The following LIPF variants were observed in gnomAD, a reference collection of about 807,000 sequenced individuals.
LIPF encodes the protein gastric triacylglycerol lipase.
A neutral mutation model predicts 38.0 loss-of-function variants in LIPF; 25 were observed. The ratio of observed to expected loss-of-function variants is 0.66; its 90% CI spans 0.48 to 0.92. The LOEUF (loss-of-function observed/expected upper bound fraction) is 0.92, where lower values mean the gene tolerates loss of function less well. Among genes scored for constraint, LIPF ranks in the 40% least tolerant of loss-of-function variants. LIPF has a pLI of 0.00. For missense variants in LIPF, 410 were observed against 469.9 expected, an observed-to-expected ratio of 0.87 and a Z score of 1.18; for synonymous variants, 161 against 156.2, an observed-to-expected ratio of 1.03 and a Z score of -0.23.
chr10:88,670,775 G>T (rs1280065260), intron 5 of LIPF, among the ~76,000 whole-genome samples: 1 of 152,118 alleles, frequency 6.6e-6, no homozygotes, highest in Non-Finnish European at 1.5e-5. Context: ...GATAAAAAAA[G>T]AAAACTGCAG....
At chr10:88,674,877 G>A (rs1841661854) in intron 7 of LIPF, among the ~76,000 whole-genome samples, 1 of 152,178 alleles carries the variant, frequency 6.6e-6, no homozygotes, top group Admixed American at 6.5e-5. Context: ...CATTCCATAT[G>A]TGGAGTTTAA....
intron 9 of LIPF, among the ~76,000 whole-genome samples, chr10:88,677,051 C>G (rs992013909): frequency 1.3e-5 from 2 of 152,260 alleles, no homozygotes; most frequent in South Asian, 4.2e-4. Flanking sequence ...TCACCACATC[C>G]AATTTTTCCA....
chr10:88,668,417 T>G (rs1564957387), intron 3 of LIPF, 141 bp from the exon 4 acceptor site: 1 of 740,180 alleles, frequency 1.4e-6, no homozygotes, highest in Non-Finnish European at 2.2e-6. Context: ...ATCACCACAA[T>G]TACGATAAGA....
intron 4 of LIPF, chr10:88,669,019 A>C: frequency 2.7e-6 from 1 of 375,130 alleles, no homozygotes; most frequent in East Asian, 4.3e-5. Flanking sequence ...GGCTGAAGCA[A>C]GGAAACTCAC....
At chr10:88,665,075 G>T (rs1256548596) in intron 1 of LIPF, among the ~76,000 whole-genome samples, 1 of 152,200 alleles carries the variant, frequency 6.6e-6, no homozygotes, top group Non-Finnish European at 1.5e-5. Context: ...GAGTATTACA[G>T]TGGGGAAGAA....
intron 5 of LIPF, 133 bp downstream of exon 5, chr10:88,670,079 G>T (rs1841572208): frequency 1.5e-6 from 1 of 652,394 alleles, no homozygotes; most frequent in East Asian, 2.6e-5. Context: ...ATGACATAGG[G>T]ACAATTATAA....
chr10:88,672,618 T>C (rs1354093872), intron 6 of LIPF, among the ~76,000 whole-genome samples: 1 of 138,238 alleles, frequency 7.2e-6, no homozygotes, highest in African/African-American at 2.8e-5. Context: ...TCTCACCCAG[T>C]AAAACCAACA....
intron 4 of LIPF, 144 bp downstream of exon 4, chr10:88,668,900 C>A: frequency 2.9e-6 from 2 of 683,486 alleles, no homozygotes; most frequent in Non-Finnish European, 4.9e-6. Context: ...TTCTTGGATT[C>A]TTCCATGTAC....
intron 7 of LIPF, among the ~76,000 whole-genome samples, chr10:88,674,318 G>A (rs1271512445): frequency 2.6e-5 from 4 of 152,074 alleles, no homozygotes; most frequent in Non-Finnish European, 4.4e-5. Flanking sequence ...ACAGGCGCCC[G>A]CCACCACGCC....
intron 5 of LIPF, among the ~76,000 whole-genome samples, chr10:88,670,219 C>G (rs1276311289): frequency 1.3e-5 from 2 of 152,198 alleles, no homozygotes; most frequent in Non-Finnish European, 2.9e-5. Context: ...CATACAGCCA[C>G]TGACCTAAGT....
Position 88,666,195 on chromosome 10 carries a change from C to T in LIPF, c.-11-1092C>T, listed in dbSNP as rs975133202. Among the ~76,000 whole-genome samples the T allele has an allele frequency of 9.2e-5, 14 of 152,246 alleles. No individual in the cohort carries two copies. The East Asian group carries it at 1.9e-3, about 21-fold the overall frequency. On this transcript the variant is annotated intron_variant, in intron 1 of 9. Transcript: ENST00000238983. ...TGTGCTCTGCATGAATTACTATAAA[C>T]GGGTTTTCTTGAAATATTATCAGCA...
At chr10:88,665,481 C>A in intron 1 of LIPF, 4 of 1,403,130 alleles carry the variant, frequency 2.9e-6, no homozygotes, top group Non-Finnish European at 3.9e-6. Context: ...TTTCCTAGGA[C>A]TTGGCAACAA....
Position 88,669,723 on chromosome 10 carries a change from G to A in LIPF, c.423-114G>A, listed in dbSNP as rs1012862699. ...CCACTGATGGTCTATAAGCATCAAT[G>A]TTTAGAGAATCCAGTTTTCTGTATC... On this transcript the variant is annotated intron_variant, in intron 4 of 9. Transcript: ENST00000238983. 2.4e-5 allele frequency: 17 copies of A among 718,288 alleles called. No individual in the cohort carries two copies. The Admixed American group carries it at 2.4e-4, about 10-fold the overall frequency. 44.5% of individuals were successfully genotyped at this position (718,288 alleles called of 1,614,324 possible).
chr10:88,673,710 A>G lies in LIPF; in HGVS notation c.792A>G (p.Gly264=). The change falls in exon 7 of 10, where the codon GGA becomes GGG. Residue 264 remains glycine (G), a synonymous_variant. Coordinates refer to ENST00000238983, the MANE Select transcript of LIPF (RefSeq NM_004190.4). ...GCAATGCCTTATTTATAATTTGTGGATTTGACAGTAAGAACTTTAACACGG... is the reference window on the plus strand; with the variant it reads ...GCAATGCCTTATTTATAATTTGTGGGTTTGACAGTAAGAACTTTAACACGG... ...LCSNALFIIC[G]FDSKNFNTSR... The G allele has an allele frequency of 6.2e-7, 1 of 1,613,166 alleles. No individual in the cohort carries two copies.
intron 8 of LIPF, 59 bp downstream of exon 8, chr10:88,675,716 A>G: frequency 8.2e-7 from 1 of 1,218,084 alleles, no homozygotes; most frequent in South Asian, 1.3e-5. Context: ...TTTTCACTTT[A>G]CCTAAACACA....
intron 4 of LIPF, chr10:88,669,054 T>A (rs1193946711): frequency 3.3e-6 from 1 of 302,214 alleles, no homozygotes; most frequent in African/African-American, 2.1e-5. Flanking sequence ...TCCAAAGGAA[T>A]GTCCATATGG....
Position 88,674,254 on chromosome 10 carries a change from C to T in LIPF, c.816+520C>T, listed in dbSNP as rs185465654. Among the ~76,000 whole-genome samples the T allele has an allele frequency of 2.7e-3, 404 of 152,196 alleles. 3 individuals carry two copies. The highest frequency in any genetic ancestry group is 4.4e-3 in the Non-Finnish European group (297 of 68,010). ...CGCAATCTCGGCTCATAGCAAGCTC[C>T]GCCTCTTGGGTTCACGCCATTCTCC... On this transcript the variant is annotated intron_variant, in intron 7 of 9. Transcript: ENST00000238983.
In LIPF at chr10:88,668,642, C is replaced by T. The variant is rs1841549997; in HGVS notation, c.308C>T (p.Ala103Val). The change falls in exon 4 of 10, where the codon GCC becomes GTC. Residue 103 changes from alanine to valine, a missense_variant. Physicochemically the swap from Ala to Val is moderately conservative, Grantham distance 64. Coordinates refer to ENST00000238983, the MANE Select transcript of LIPF (RefSeq NM_004190.4). ...TCCAACCTGCCGAACAACAGCCTTG[C>T]CTTCATTCTGGCAGATGCTGGTTAT... is the stretch of plus-strand genomic sequence containing the variant. ...WISNLPNNSL[A>V]FILADAGYDV... 1 of 1,614,162 alleles carries T rather than the reference C, an allele frequency of 6.2e-7. No homozygotes were observed. The highest frequency in any genetic ancestry group is 8.5e-7 in the Non-Finnish European group (1 of 1,180,006).
chr10:88,666,975 T>A (rs1841520722), intron 1 of LIPF, among the ~76,000 whole-genome samples: 1 of 150,282 alleles, frequency 6.7e-6, no homozygotes, highest in Non-Finnish European at 1.5e-5. Flanking sequence ...TTATGCCAAT[T>A]AGAGGCTTTT....
Sources: allele counts gnomAD v4.1 joint callset (sites outside exome capture counted in the v4.1 genomes callset), GRCh38; gene constraint gnomAD v4.1.1; transcripts MANE v1.5; gene names NCBI Gene and HGNC (gene_info 2026-07-23, HGNC 2026-07-21).